Variants in USP15 observed in about 807,000 individuals in gnomAD.
USP15 encodes ubiquitin specific peptidase 15, also known as ubiquitin carboxyl-terminal hydrolase 15.
Under a neutral mutation model 127.1 loss-of-function variants are expected in USP15, and 18 were observed. That is an observed-to-expected ratio of 0.14 (90% CI 0.10 to 0.21). The LOEUF is 0.21. USP15 is among the 10% of genes least tolerant of loss of function. The probability of loss-of-function intolerance (pLI) is 1.00; values close to 1 mark genes in which losing one functional copy is unlikely to be tolerated. For missense variants in USP15, 805 were observed against 1,159.9 expected (o/e 0.69, Z 4.44); for synonymous variants, 364 against 393.7 (o/e 0.92, Z 0.89).
intron 3 of USP15, chr12:62,314,066 A>G: frequency 1.2e-6 from 1 of 843,544 alleles, no homozygotes; most frequent in Non-Finnish European, 1.4e-6. Context: ...TTAAAAGGTG[A>G]CCTTAATATA....
intron 1 of USP15, 21 bp from the exon 2 acceptor site, chr12:62,294,158 C>T (rs1236489897): frequency 1.2e-6 from 2 of 1,608,084 alleles, no homozygotes; most frequent in Non-Finnish European, 8.5e-7. Context: ...TTTTCCTTAA[C>T]CAATTTCTTT....
chr12:62,345,748 G>A (rs963804336), intron 6 of USP15, among the ~76,000 whole-genome samples: 1 of 151,424 alleles, frequency 6.6e-6, no homozygotes, highest in Non-Finnish European at 1.5e-5. Context: ...TTTCTGGGGT[G>A]GGGGGGCCTC....
chr12:62,323,923 A>C (rs965558737), intron 5 of USP15, among the ~76,000 whole-genome samples: 1 of 152,108 alleles, frequency 6.6e-6, no homozygotes, highest in Non-Finnish European at 1.5e-5. Context: ...AATGTTTCAA[A>C]GAATAGTCAT....
chr12:62,266,165 T>C (rs1312873369), intron 1 of USP15, among the ~76,000 whole-genome samples: 1 of 152,228 alleles, frequency 6.6e-6, no homozygotes, highest in African/African-American at 2.4e-5. Context: ...TGAATTTTAA[T>C]TGTCTATCAA....
chr12:62,335,082 C>T lies in USP15; in HGVS notation c.683+9149C>T, dbSNP rs529348545. On this transcript the variant is annotated intron_variant, in intron 6 of 21. Coordinates refer to ENST00000280377, the MANE Select transcript of USP15 (RefSeq NM_001252078.2). ...TATGTTACACCTAGCCCAAACTGGC[C>T]AAAATTAGTTTAATTCTAGGTAAGT... The T allele has an allele frequency of 7.0e-6, 10 of 1,423,452 alleles. No homozygotes were observed. The East Asian group carries it at 2.5e-4, about 35-fold the overall frequency. 88.2% of individuals were successfully genotyped at this position (1,423,452 alleles called of 1,614,324 possible).
At position 62,410,408 on chromosome 12, in the gene USP15, T is replaced by G. The variant is rs1384752776; in HGVS notation, c.*6033T>G. 1 of 152,160 alleles carries G rather than the reference T, an allele frequency of 6.6e-6. No individual in the cohort carries two copies. Among genetic ancestry groups the G allele is most frequent in the Non-Finnish European group, 1.5e-5 (1 of 68,014 alleles). The allele number at this position is 152,160 out of a possible 1,614,324, so 9.4% of individuals were successfully genotyped here. A position where few individuals can be genotyped will look rare whatever the true frequency, so the allele number is the denominator to read the frequency against. The stretch of plus-strand genomic sequence containing the variant: ...AAAGTAAAGATGGGAAAATTACTTA[T>G]AGTATTTTTTTTTAATTTGAGAAAG... On this transcript the variant is annotated 3_prime_UTR_variant, in exon 22 of 22. Coordinates refer to ENST00000280377, the MANE Select transcript of USP15 (RefSeq NM_001252078.2).
At chr12:62,265,591 G>T (rs570920269) in intron 1 of USP15, among the ~76,000 whole-genome samples, 1 of 152,258 alleles carries the variant, frequency 6.6e-6, no homozygotes, top group Admixed American at 6.5e-5. Context: ...TCATCACCCA[G>T]GCTGGAGTGT....
rs184839858 is a variant in USP15 at position 62,299,591 on chromosome 12, G to A, written c.218-3199G>A. Among the ~76,000 whole-genome samples, 22 of 152,216 alleles carry A rather than the reference G, an allele frequency of 1.4e-4. No homozygotes were observed. In the East Asian group the frequency reaches 3.9e-3, roughly 27 times the overall value. ...TGATGGACATTTGAGTTGTTTTCAC[G>A]TTTTGGCTCTTCTGGATATTGTTGC... On this transcript the variant is annotated intron_variant, in intron 2 of 21. Coordinates refer to ENST00000280377, the MANE Select transcript of USP15 (RefSeq NM_001252078.2).
At chr12:62,287,115 A>T (rs55642112) in intron 1 of USP15, among the ~76,000 whole-genome samples, 12,170 of 152,104 alleles carry the variant, frequency 0.08, 595 homozygotes, top group Middle Eastern at 0.16. Flanking sequence ...GGAGCTAAAC[A>T]TTGGGTATAC....
intron 3 of USP15, among the ~76,000 whole-genome samples, chr12:62,305,396 T>A (rs1014099704): frequency 1.3e-5 from 2 of 152,154 alleles, no homozygotes; most frequent in African/African-American, 4.8e-5. Flanking sequence ...GACTTTGATA[T>A]GTTAAAAGAA....
intron 7 of USP15, among the ~76,000 whole-genome samples, chr12:62,353,813 A>C (rs2066034746): frequency 6.6e-6 from 1 of 152,030 alleles, no homozygotes; most frequent in South Asian, 2.1e-4. Flanking sequence ...ATGAAATAAA[A>C]TGTGAATCAT....
intron 7 of USP15, 129 bp from the exon 8 acceptor site, chr12:62,355,202 C>G (rs2066082407): frequency 1.2e-6 from 1 of 812,356 alleles, no homozygotes; most frequent in African/African-American, 1.8e-5. Context: ...AAAAAAGTAT[C>G]TGAGTTGAGT....
chr12:62,410,360 C>T lies in USP15; in HGVS notation c.*5985C>T. ...GCAAATAGGAATTATTTTAGAGTTG[C>T]CCTTATTTTAAAAAACAAAAAAAAA... On this transcript the variant is annotated 3_prime_UTR_variant, in exon 22 of 22. Transcript: ENST00000280377. 6.6e-6 allele frequency: 1 copy of T among 151,448 alleles called. No individual in the cohort carries two copies. The highest frequency in any genetic ancestry group is 1.5e-5 in the Non-Finnish European group (1 of 67,880). The allele number at this position is 151,448 out of a possible 1,614,324, so 9.4% of individuals were successfully genotyped here. A position where few individuals can be genotyped will look rare whatever the true frequency, so the allele number is the denominator to read the frequency against.
chr12:62,265,056 G>A (rs897735590), intron 1 of USP15, among the ~76,000 whole-genome samples: 17 of 152,034 alleles, frequency 1.1e-4, no homozygotes, highest in Admixed American at 9.8e-4. Flanking sequence ...AGCCTTTTTC[G>A]TAAGTTTTTA....
At chr12:62,335,318 A>G (rs1366744111) in intron 6 of USP15, 4 of 1,452,176 alleles carry the variant, frequency 2.8e-6, no homozygotes, top group Middle Eastern at 1.8e-4. Context: ...AGATTGGACC[A>G]TGTGTAATCT....
intron 1 of USP15, among the ~76,000 whole-genome samples, chr12:62,288,190 T>C (rs893874660): frequency 5.3e-5 from 8 of 152,088 alleles, no homozygotes; most frequent in African/African-American, 1.7e-4. Context: ...CGGGGAAGTA[T>C]GAGTTATTTT....
chr12:62,370,015 A>T (rs185566651), intron 8 of USP15, among the ~76,000 whole-genome samples: 64 of 152,186 alleles, frequency 4.2e-4, no homozygotes, highest in Admixed American at 1.8e-3. Context: ...TCGCTGTATC[A>T]CCAGGCTGGA....
intron 1 of USP15, among the ~76,000 whole-genome samples, chr12:62,264,601 T>C (rs1185740033): frequency 6.6e-6 from 1 of 152,204 alleles, no homozygotes; most frequent in Non-Finnish European, 1.5e-5. Flanking sequence ...AAGAATCTGA[T>C]CAGTGAAGTT....
chr12:62,373,240 A>G (rs979965191), intron 8 of USP15, among the ~76,000 whole-genome samples: 8 of 152,060 alleles, frequency 5.3e-5, no homozygotes, highest in African/African-American at 1.9e-4. Flanking sequence ...TGCAAGTAAT[A>G]GGGTAGTCTT....
Sources: gnomAD v4.1 joint callset for allele counts (sites outside exome capture counted in the v4.1 genomes callset) on GRCh38, gnomAD v4.1.1 for gene constraint, MANE v1.5 for transcripts, NCBI Gene and HGNC (gene_info 2026-07-23, HGNC 2026-07-21) for gene names.